NPHP1: variants seen among roughly 807,000 people sequenced by gnomAD.
The protein encoded by NPHP1 is nephrocystin 1.
A neutral mutation model predicts 90.4 loss-of-function variants in NPHP1; 70 were observed. The ratio of observed to expected loss-of-function variants is 0.77; its 90% CI spans 0.64 to 0.95. NPHP1 has a LOEUF of 0.95. Among genes scored for constraint, NPHP1 ranks in the 40% least tolerant of loss-of-function variants. The probability of loss-of-function intolerance (pLI) is 0.00; values close to 1 mark genes in which losing one functional copy is unlikely to be tolerated. For synonymous variants in NPHP1, 256 were observed against 271.7 expected (o/e 0.94, Z 0.57); for missense variants, 764 against 795.9 (o/e 0.96, Z 0.48).
chr2:110,125,521 G>A, intron 19 of NPHP1, 116 bp downstream of exon 19: 4 of 1,192,570 alleles, frequency 3.4e-6, no homozygotes, highest in African/African-American at 3.0e-5. Flanking sequence ...CAGTTTCCCT[G>A]GTTAAGAGGG....
At chr2:110,130,383 T>C (rs570995693) in intron 17 of NPHP1, among the ~76,000 whole-genome samples, 11 of 152,274 alleles carry the variant, frequency 7.2e-5, no homozygotes, top group South Asian at 2.1e-4. Flanking sequence ...TCTTACCTAT[T>C]GGGAAAACTA....
At chr2:110,179,037 T>G (rs1359419172) in intron 3 of NPHP1, 1 of 158,168 alleles carries the variant, frequency 6.3e-6, no homozygotes, top group Non-Finnish European at 1.4e-5. Context: ...ATATCTCAGA[T>G]GCAGTAAAGG....
Position 110,169,825 on chromosome 2 carries a change from A to T in NPHP1, c.503T>A (p.Val168Asp). 1 of 1,612,844 alleles carries T rather than the reference A, an allele frequency of 6.2e-7. No individual in the cohort carries two copies. Among genetic ancestry groups the T allele is most frequent in the Non-Finnish European group, 8.5e-7 (1 of 1,178,954 alleles). ...IAVGDFTAQQ[V>D]GDLTFKKGEI... ...ACCTACCTTAAATGTAAGATCTCCA[A>T]CTTGCTGAGCAGTAAAATCTCCAAC... Residue 168 changes from valine to aspartate, a missense_variant, in exon 5 of 20, where the codon GTT becomes GAT. Transcript: ENST00000445609.
Position 110,204,954 on chromosome 2 carries a change from T to C in NPHP1, c.15A>G (p.Arg5=). 1.9e-6 allele frequency: 3 copies of C among 1,614,026 alleles called. No individual in the cohort carries two copies. The Admixed American group carries it at 5.0e-5, about 27-fold the overall frequency. MLAR[R]QRDPLQALRR... Reference sequence around the variant, plus strand: ...GCAGGGCCTGGAGAGGATCTCGCTGTCGTCTCGCCAGCATCTCCCTGGCTG... The same window carrying C: ...GCAGGGCCTGGAGAGGATCTCGCTGCCGTCTCGCCAGCATCTCCCTGGCTG... Residue 5 remains arginine, a synonymous_variant, in exon 1 of 20, where the codon CGA becomes CGG. Coordinates refer to ENST00000445609, the MANE Select transcript of NPHP1 (RefSeq NM_001128178.3).
rs753700300 is a variant in NPHP1, at chr2:110,160,153, G to A, written c.1057C>T (p.Arg353Cys). The A allele has an allele frequency of 1.6e-5, 26 of 1,612,614 alleles. No individual in the cohort carries two copies. Among genetic ancestry groups the A allele is most frequent in the South Asian group, 1.4e-4 (13 of 91,048 alleles). Residue 353 changes from arginine to cysteine, a missense_variant, in exon 11 of 20, where the codon CGC (arginine) becomes TGC (cysteine). Transcript: ENST00000445609. ...MSIQVLSRHV[R>C]LCLFDGNKVL... ...TTATTACCATCAAATAGACAGAGGC[G>A]TACATGTCTGCTGAGAACCTGTATG...
intron 12 of NPHP1, 87 bp from the exon 13 acceptor site, chr2:110,148,113 A>G (rs1681202312): frequency 1.1e-6 from 1 of 879,198 alleles, no homozygotes; most frequent in East Asian, 2.5e-5. Flanking sequence ...TCCCCACCAA[A>G]TTTCATGTTG....
chr2:110,147,893 G>T, intron 13 of NPHP1, 23 bp downstream of exon 13: 1 of 1,311,972 alleles, frequency 7.6e-7, no homozygotes, highest in Non-Finnish European at 1.1e-6. Flanking sequence ...ACATTAGAAA[G>T]CCTTATCTTT....
At chr2:110,202,964 A>C (rs1374274995) in intron 1 of NPHP1, among the ~76,000 whole-genome samples, 1 of 152,184 alleles carries the variant, frequency 6.6e-6, no homozygotes, top group African/African-American at 2.4e-5. Context: ...AAAATGTCAC[A>C]TGCATGTGTA....
chr2:110,138,803 G>A (rs1253511764), intron 16 of NPHP1, among the ~76,000 whole-genome samples: 1 of 152,026 alleles, frequency 6.6e-6, no homozygotes, highest in Non-Finnish European at 1.5e-5. Flanking sequence ...CCTTCTGCTT[G>A]GCCCTCTCCT....
At chr2:110,125,791 A>C in intron 18 of NPHP1, 110 bp from the exon 19 acceptor site, 1 of 896,068 alleles carries the variant, frequency 1.1e-6, no homozygotes, top group Non-Finnish European at 1.9e-6. Flanking sequence ...AAAATGCTGT[A>C]CAGATTCTAT....
intron 18 of NPHP1, 52 bp downstream of exon 18, chr2:110,129,134 T>C: frequency 7.4e-7 from 1 of 1,355,390 alleles, no homozygotes; most frequent in Non-Finnish European, 1.1e-6. Context: ...ACACAGAGTG[T>C]ATAACTGCTT....
chr2:110,202,850 G>A (rs1178329224), intron 1 of NPHP1, among the ~76,000 whole-genome samples: 1 of 152,090 alleles, frequency 6.6e-6, no homozygotes, highest in African/African-American at 2.4e-5. Flanking sequence ...CAGCCACTGT[G>A]GAAAGCAGTT....
intron 12 of NPHP1, 77 bp from the exon 13 acceptor site, chr2:110,148,103 TC>T: frequency 1.1e-6 from 1 of 934,930 alleles, no homozygotes; most frequent in East Asian, 2.4e-5. Flanking sequence ...TGAATAAATG[TC>T]CCCACCAAAT....
At chr2:110,176,687 T>A (rs1276726626) in intron 4 of NPHP1, among the ~76,000 whole-genome samples, 23 of 152,170 alleles carry the variant, frequency 1.5e-4, no homozygotes, top group Admixed American at 1.4e-3. Context: ...TTGTCTTTAT[T>A]CCTAGATCAT....
intron 16 of NPHP1, 127 bp downstream of exon 16, chr2:110,143,414 GA>G: frequency 1.4e-6 from 1 of 717,494 alleles, no homozygotes; most frequent in South Asian, 1.6e-5. Flanking sequence ...ACCTTTGGGG[GA>G]AGAATTAAAG....
chr2:110,123,636 G>A lies in NPHP1; in HGVS notation c.*155C>T. ...GGTTTTAAAAAATATTTAAATTATT[G>A]TATAAACATTTCTTTAAAAATATGG... is the stretch of plus-strand genomic sequence containing the variant. On this transcript the variant is annotated 3_prime_UTR_variant, in exon 20 of 20. Coordinates refer to ENST00000445609, the MANE Select transcript of NPHP1 (RefSeq NM_001128178.3). The A allele has an allele frequency of 4.4e-6, 3 of 682,954 alleles. No homozygotes were observed. The highest frequency in any genetic ancestry group is 4.0e-4 in the Middle Eastern group (1 of 2,518). 42.3% of individuals were successfully genotyped at this position (682,954 alleles called of 1,614,324 possible).
chr2:110,124,478 T>G (rs759523068), intron 19 of NPHP1: 2 of 280,220 alleles, frequency 7.1e-6, no homozygotes, highest in Non-Finnish European at 1.4e-5. Context: ...TCTAAGATAA[T>G]TGTAGCAGGT....
rs760563721 is a variant in NPHP1, at chr2:110,168,459, T to A, written c.617A>T (p.Tyr206Phe). The A allele has an allele frequency of 9.3e-6, 15 of 1,606,532 alleles. No individual in the cohort carries two copies. In the East Asian group the frequency reaches 2.5e-4, roughly 26 times the overall value. Residue 206 changes from tyrosine (Y) to phenylalanine (F), a missense_variant, in exon 6 of 20, where the codon TAC becomes TTC. Transcript: ENST00000445609. ...GCATAAACCAAGACTAACCTCTAGGTAGGTTCTGGGAACAAGACCTTCATT... is the reference window on the plus strand; with the variant it reads ...GCATAAACCAAGACTAACCTCTAGGAAGGTTCTGGGAACAAGACCTTCATT... ...KGNEGLVPRTYLEPYSEEEEG... is the reference protein window; with the variant it reads ...KGNEGLVPRTFLEPYSEEEEG...
chr2:110,179,608 TA>T lies in NPHP1; in HGVS notation c.204+15del. ...GGAAGAGATGTTTTAATAATGTGAT[TA>T]ACCTCAATACTTACTTTGCTTAATT... On this transcript the variant is annotated intron_variant, in intron 3 of 19. Transcript: ENST00000445609. 1 of 1,204,648 alleles carries T rather than the reference TA, an allele frequency of 8.3e-7. No homozygotes were observed. Among genetic ancestry groups the T allele is most frequent in the Non-Finnish European group, 1.2e-6 (1 of 813,948 alleles). The allele number at this position is 1,204,648 out of a possible 1,614,324, so 74.6% of individuals were successfully genotyped here. A position where few individuals can be genotyped will look rare whatever the true frequency, so the allele number is the denominator to read the frequency against.
Sources: allele counts gnomAD v4.1 joint callset (sites outside exome capture counted in the v4.1 genomes callset), GRCh38; gene constraint gnomAD v4.1.1; transcripts MANE v1.5; gene names NCBI Gene and HGNC (gene_info 2026-07-23, HGNC 2026-07-21).